Variants in GPR158 observed in about 807,000 individuals in gnomAD.
GPR158 encodes metabotropic glycine receptor.
In GPR158, 30 loss-of-function variants were observed where a neutral mutation model predicts 78.2. That is an observed-to-expected ratio of 0.38 (90% CI 0.29 to 0.52). GPR158 has a LOEUF of 0.52. Ranked by LOEUF, GPR158 falls within the 20% of genes least tolerant of loss-of-function variation. GPR158 has a pLI of 0.83. For synonymous variants in GPR158, 581 were observed against 591.1 expected, an observed-to-expected ratio of 0.98 and a Z score of 0.25; for missense variants, 1,463 against 1,523.5, an observed-to-expected ratio of 0.96 and a Z score of 0.66.
intron 3 of GPR158, among the ~76,000 whole-genome samples, chr10:25,408,574 C>A (rs561496432): frequency 6.6e-6 from 1 of 152,190 alleles, no homozygotes; most frequent in Non-Finnish European, 1.5e-5. Context: ...GAATCCTTGA[C>A]ACCTTTATCT....
chr10:25,263,877 C>T (rs1448533331), intron 2 of GPR158, among the ~76,000 whole-genome samples: 2 of 152,144 alleles, frequency 1.3e-5, no homozygotes, highest in Non-Finnish European at 2.9e-5. Context: ...ATAGAGATTG[C>T]AGTGAGCTGA....
intron 5 of GPR158, among the ~76,000 whole-genome samples, chr10:25,479,792 T>C (rs1341626754): frequency 2.6e-5 from 4 of 152,184 alleles, no homozygotes; most frequent in Non-Finnish European, 5.9e-5. Context: ...CCCTTTTATT[T>C]CTAGATTTTA....
intron 5 of GPR158, among the ~76,000 whole-genome samples, chr10:25,476,414 T>C (rs1171139334): frequency 2.7e-5 from 4 of 149,112 alleles, no homozygotes; most frequent in Non-Finnish European, 5.9e-5. Context: ...CCCTCTAACC[T>C]TAGTTACTTT....
intron 1 of GPR158, among the ~76,000 whole-genome samples, chr10:25,205,589 AGCTGTATCCCAGAGATCCTGTTATG>A (rs1853014309): frequency 6.6e-6 from 1 of 152,068 alleles, no homozygotes; most frequent in Non-Finnish European, 1.5e-5. Context: ...ACACTGCTTT[AGCTGTATCCCAGAGATCCTGTTATG>A]TTGCATCTTT....
chr10:25,490,693 T>C (rs1229874983), intron 5 of GPR158, among the ~76,000 whole-genome samples: 2 of 108,294 alleles, frequency 1.8e-5, no homozygotes, highest in Non-Finnish European at 3.9e-5. Context: ...AGTCTATCAT[T>C]GTTGGACATT....
intron 5 of GPR158, among the ~76,000 whole-genome samples, chr10:25,526,010 G>A (rs112118153): frequency 0.045 from 6,758 of 150,800 alleles, 306 homozygotes; most frequent in African/African-American, 0.12. Context: ...GGAGGCTGAG[G>A]CAGGAGAGTT....
intron 4 of GPR158, among the ~76,000 whole-genome samples, chr10:25,420,609 G>C (rs1834736628): frequency 6.6e-6 from 1 of 152,062 alleles, no homozygotes; most frequent in South Asian, 2.1e-4. Context: ...TTCACATTAG[G>C]TCTTTAATCC....
At chr10:25,480,587 A>G (rs1564467240) in intron 5 of GPR158, among the ~76,000 whole-genome samples, 1 of 152,092 alleles carries the variant, frequency 6.6e-6, no homozygotes, top group Non-Finnish European at 1.5e-5. Flanking sequence ...ATCACACAAC[A>G]TTTATTCTTT....
At chr10:25,431,908 C>T (rs994087728) in intron 4 of GPR158, among the ~76,000 whole-genome samples, 8 of 151,958 alleles carry the variant, frequency 5.3e-5, no homozygotes, top group East Asian at 3.9e-4. Context: ...TGCTAAATGA[C>T]GAGTTAATGG....
At chr10:25,263,135 G>A (rs1853991866) in intron 2 of GPR158, among the ~76,000 whole-genome samples, 1 of 152,128 alleles carries the variant, frequency 6.6e-6, no homozygotes, top group Non-Finnish European at 1.5e-5. Flanking sequence ...ACCCAAGGTT[G>A]CTTATGTTAT....
chr10:25,191,442 G>C (rs1471853973), intron 1 of GPR158, among the ~76,000 whole-genome samples: 1 of 152,216 alleles, frequency 6.6e-6, no homozygotes, highest in Non-Finnish European at 1.5e-5. Context: ...TGAAGAGCCT[G>C]ATAATATGTT....
At chr10:25,414,312 G>T (rs776470852) in intron 4 of GPR158, among the ~76,000 whole-genome samples, 1 of 152,076 alleles carries the variant, frequency 6.6e-6, no homozygotes, top group Non-Finnish European at 1.5e-5. Context: ...TCATTTTAAT[G>T]ACCAGAATCC....
At chr10:25,260,869 C>T (rs529267973) in intron 2 of GPR158, among the ~76,000 whole-genome samples, 1 of 152,198 alleles carries the variant, frequency 6.6e-6, no homozygotes, top group African/African-American at 2.4e-5. Context: ...TTTCTGACCT[C>T]TTAGTTTCTT....
At chr10:25,572,470 T>C (rs1337623683) in intron 6 of GPR158, among the ~76,000 whole-genome samples, 179 bp from the exon 7 acceptor site, 1 of 152,110 alleles carries the variant, frequency 6.6e-6, no homozygotes, top group Non-Finnish European at 1.5e-5. Flanking sequence ...GCCACTGCAC[T>C]CCAGCATGGG....
intron 2 of GPR158, among the ~76,000 whole-genome samples, chr10:25,254,788 T>C (rs1390679242): frequency 6.6e-6 from 1 of 152,226 alleles, no homozygotes; most frequent in Non-Finnish European, 1.5e-5. Flanking sequence ...ATGTATTTCT[T>C]GATTACTCTT....
intron 5 of GPR158, among the ~76,000 whole-genome samples, chr10:25,506,553 G>A (rs952124464): frequency 4.6e-5 from 7 of 152,306 alleles, no homozygotes; most frequent in Middle Eastern, 6.8e-3. Flanking sequence ...TATCACAGGC[G>A]TTCTTCATAC....
chr10:25,400,067 A>G (rs1360096971), intron 3 of GPR158, among the ~76,000 whole-genome samples: 1 of 152,214 alleles, frequency 6.6e-6, no homozygotes, highest in African/African-American at 2.4e-5. Context: ...AAAACATAAC[A>G]TTAATCATGC....
chr10:25,370,647 G>C (rs12253570), intron 2 of GPR158, among the ~76,000 whole-genome samples: 92,979 of 146,042 alleles, frequency 0.64, 30,577 homozygotes, highest in Non-Finnish European at 0.72. Context: ...ATATTCTGTT[G>C]ATTTGGGGTG....
chr10:25,468,523 A>T (rs2487819), intron 5 of GPR158, among the ~76,000 whole-genome samples: 67,243 of 152,068 alleles, frequency 0.44, 15,952 homozygotes, highest in East Asian at 0.8. Flanking sequence ...CGTAATATAT[A>T]CAAGTAAGTA....
Sources: allele counts gnomAD v4.1 joint callset (sites outside exome capture counted in the v4.1 genomes callset), GRCh38; gene constraint gnomAD v4.1.1; transcripts MANE v1.5; gene names NCBI Gene and HGNC (gene_info 2026-07-23, HGNC 2026-07-21).